The following TMCO4 variants were observed in gnomAD, a reference collection of about 807,000 sequenced individuals.
The protein encoded by TMCO4 is transmembrane and coiled-coil domain-containing protein 4.
Under a neutral mutation model 64.7 loss-of-function variants are expected in TMCO4, and 58 were observed. The observed-to-expected ratio is 0.90, with a 90% CI of 0.73 to 1.12. The LOEUF (loss-of-function observed/expected upper bound fraction) is 1.12, where lower values mean the gene tolerates loss of function less well. TMCO4 is among the 50% of genes most tolerant of loss of function. TMCO4 has a pLI of 0.00. For missense variants in TMCO4, 780 were observed against 825.9 expected, an observed-to-expected ratio of 0.94 and a Z score of 0.68; for synonymous variants, 325 against 346.1, an observed-to-expected ratio of 0.94 and a Z score of 0.68.
Position 19,683,438 on chromosome 1 carries a change from C to A in TMCO4, c.1507G>T (p.Gly503Cys). ...ENVDLTSVVS[G>C]HLDYAKQMDA... is the part of the protein sequence containing the mutation. ...ATCTGCTTGGCATAGTCCAGGTGGC[C>A]GCTGACCTGCAGGAGACAGTGAGTG... Residue 503 changes from glycine (G) to cysteine (C), a missense_variant, in exon 16 of 16, where the codon GGC (glycine) becomes TGC (cysteine). By Grantham distance (159) the Gly-to-Cys change is radical (BLOSUM62 -3). Coordinates refer to ENST00000294543, the MANE Select transcript of TMCO4 (RefSeq NM_181719.7). The A allele has an allele frequency of 1.2e-6, 2 of 1,612,536 alleles. No homozygotes were observed. The highest frequency in any genetic ancestry group is 1.7e-6 in the Non-Finnish European group (2 of 1,179,990).
intron 6 of TMCO4, 142 bp downstream of exon 6, chr1:19,770,400 C>A: frequency 1.2e-6 from 1 of 833,010 alleles, no homozygotes. Context: ...ACCAGCTCAC[C>A]AATGACATCA....
At chr1:19,795,988 G>A (rs1450627395) in intron 2 of TMCO4, among the ~76,000 whole-genome samples, 4 of 152,116 alleles carry the variant, frequency 2.6e-5, no homozygotes, top group Non-Finnish European at 5.9e-5. Flanking sequence ...TCCAGCCCAC[G>A]CTGGGATACC....
At chr1:19,684,159 T>C (rs2095129012) in intron 15 of TMCO4, among the ~76,000 whole-genome samples, 1 of 141,078 alleles carries the variant, frequency 7.1e-6, no homozygotes, top group Admixed American at 7.1e-5. Flanking sequence ...GAGAGATGGG[T>C]TCTCTCTCTC....
intron 13 of TMCO4, among the ~76,000 whole-genome samples, chr1:19,708,435 C>T (rs2095313620): frequency 6.6e-6 from 1 of 151,078 alleles, no homozygotes; most frequent in Non-Finnish European, 1.5e-5. Flanking sequence ...TGAGAATGGA[C>T]AGCGTCATCA....
At chr1:19,724,776 T>A (rs2095401427) in intron 13 of TMCO4, among the ~76,000 whole-genome samples, 1 of 152,092 alleles carries the variant, frequency 6.6e-6, no homozygotes, top group African/African-American at 2.4e-5. Flanking sequence ...CTTTTTTCTT[T>A]TTTGAGATGG....
chr1:19,748,774 G>A (rs1312112748), intron 7 of TMCO4, among the ~76,000 whole-genome samples: 2 of 152,166 alleles, frequency 1.3e-5, no homozygotes, highest in Admixed American at 6.6e-5. Flanking sequence ...GCAGAGAGCT[G>A]AGATCCCACC....
intron 1 of TMCO4, among the ~76,000 whole-genome samples, chr1:19,799,018 C>T (rs894678198): frequency 9.9e-5 from 15 of 151,636 alleles, no homozygotes; most frequent in Admixed American, 7.9e-4. Flanking sequence ...TCCTAATTCC[C>T]AGTGCAACCC....
At chr1:19,757,740 C>T (rs748450344) in intron 6 of TMCO4, among the ~76,000 whole-genome samples, 36 of 152,298 alleles carry the variant, frequency 2.4e-4, no homozygotes, top group Middle Eastern at 3.4e-3. Context: ...AGACTGTAAG[C>T]TTAGTCATCT....
At position 19,694,530 on chromosome 1, in the gene TMCO4, G is replaced by C; in HGVS notation, c.1404C>G (p.Phe468Leu). Residue 468 changes from phenylalanine (F) to leucine (L), a missense_variant, in exon 15 of 16, where the codon TTC (phenylalanine) becomes TTG (leucine). Coordinates refer to ENST00000294543, the MANE Select transcript of TMCO4 (RefSeq NM_181719.7). Reference sequence around the variant, plus strand: ...GCTGCACCGAGGATGTGCGGTACACGAAACTCAGCAGCCAGTCTCCCCTGT... The same window carrying C: ...GCTGCACCGAGGATGTGCGGTACACCAAACTCAGCAGCCAGTCTCCCCTGT... Reference protein sequence around the residue: ...GYCRGDWLLSFVYRTSSVQLR... With the variant: ...GYCRGDWLLSLVYRTSSVQLR... The C allele has an allele frequency of 1.2e-6, 2 of 1,614,026 alleles. No homozygotes were observed. The highest frequency in any genetic ancestry group is 1.7e-6 in the Non-Finnish European group (2 of 1,179,938).
chr1:19,690,465 G>A (rs1225753500), intron 15 of TMCO4, among the ~76,000 whole-genome samples: 1 of 152,224 alleles, frequency 6.6e-6, no homozygotes, highest in Non-Finnish European at 1.5e-5. Context: ...GAGGCAACAC[G>A]CCTGGTCTGG....
In TMCO4 at chr1:19,769,481, CT is replaced by C. The variant is rs1376716441; in HGVS notation, c.382+1060del. Among the ~76,000 whole-genome samples, 5 of 152,212 alleles carry C rather than the reference CT, an allele frequency of 3.3e-5. No individual in the cohort carries two copies. In the East Asian group the frequency reaches 9.6e-4, roughly 29 times the overall value. The stretch of plus-strand genomic sequence containing the variant: ...TGTGGCTCCTTCCCACTATGAAATT[CT>C]GCTCTTCCTCCTCCTCCTTCCACTA... On this transcript the variant is annotated intron_variant, in intron 6 of 15. Coordinates refer to ENST00000294543, the MANE Select transcript of TMCO4 (RefSeq NM_181719.7).
rs1218065608 is a variant in TMCO4 at position 19,707,990 on chromosome 1, T to C, written c.1265-7105A>G. Among the ~76,000 whole-genome samples, 3 of 152,016 alleles carry C rather than the reference T, an allele frequency of 2.0e-5. No individual in the cohort carries two copies. The East Asian group carries it at 5.8e-4, about 29-fold the overall frequency. On this transcript the variant is annotated intron_variant, in intron 13 of 15. Transcript: ENST00000294543. ...GGGGAAATCTGTCACTATAATCCAATCACCAATCGCCTCCCACCAGGCCTC... is the reference window on the plus strand; with the variant it reads ...GGGGAAATCTGTCACTATAATCCAACCACCAATCGCCTCCCACCAGGCCTC...
At chr1:19,786,201 G>A (rs890839116) in intron 3 of TMCO4, among the ~76,000 whole-genome samples, 3 of 152,170 alleles carry the variant, frequency 2.0e-5, no homozygotes, top group Non-Finnish European at 2.9e-5. Context: ...AGGCTGCAGC[G>A]AGCCGTGATC....
At position 19,683,025 on chromosome 1, in the gene TMCO4, G is replaced by A; in HGVS notation, c.*15C>T. Reference sequence around the variant, plus strand: ...TATGGAGACTGGGGAAGACGGCTCAGGTCCCCTGCTGTGGTCAGTCCAGCC... The same window carrying A: ...TATGGAGACTGGGGAAGACGGCTCAAGTCCCCTGCTGTGGTCAGTCCAGCC... On this transcript the variant is annotated 3_prime_UTR_variant, in exon 16 of 16. Transcript: ENST00000294543. 1 of 1,540,954 alleles carries A rather than the reference G, an allele frequency of 6.5e-7. No individual in the cohort carries two copies. The highest frequency in any genetic ancestry group is 8.7e-7 in the Non-Finnish European group (1 of 1,147,998).
intron 2 of TMCO4, among the ~76,000 whole-genome samples, chr1:19,791,077 A>G (rs902728217): frequency 1.3e-5 from 2 of 152,168 alleles, no homozygotes; most frequent in African/African-American, 4.8e-5. Flanking sequence ...CAAACACCAC[A>G]TGTTCTCACT....
At chr1:19,761,984 T>C (rs935775780) in intron 6 of TMCO4, among the ~76,000 whole-genome samples, 1 of 152,214 alleles carries the variant, frequency 6.6e-6, no homozygotes, top group Non-Finnish European at 1.5e-5. Context: ...ATCCTCCCAA[T>C]GGTCCTAGGA....
intron 15 of TMCO4, among the ~76,000 whole-genome samples, chr1:19,688,913 C>A (rs1342692728): frequency 6.6e-6 from 1 of 152,200 alleles, no homozygotes; most frequent in African/African-American, 2.4e-5. Context: ...GATCTCTGTG[C>A]CCCAGAAGCC....
intron 13 of TMCO4, among the ~76,000 whole-genome samples, chr1:19,715,183 G>A (rs969642224): frequency 1.3e-5 from 2 of 152,106 alleles, no homozygotes; most frequent in African/African-American, 4.8e-5. Flanking sequence ...GCGGAGGGTG[G>A]TGTTCGTGTC....
At chr1:19,744,135 G>A (rs1478968627) in intron 10 of TMCO4, among the ~76,000 whole-genome samples, 3 of 152,116 alleles carry the variant, frequency 2.0e-5, no homozygotes, top group Non-Finnish European at 2.9e-5. Context: ...CTGGGCAGGC[G>A]TGCCTGAGTG....
Sources: gnomAD v4.1 joint callset for allele counts (sites outside exome capture counted in the v4.1 genomes callset) on GRCh38, gnomAD v4.1.1 for gene constraint, MANE v1.5 for transcripts, NCBI Gene and HGNC (gene_info 2026-07-23, HGNC 2026-07-21) for gene names.